DLGAP1: variants seen among roughly 807,000 people sequenced by gnomAD.
The protein encoded by DLGAP1 is disks large-associated protein 1.
A neutral mutation model predicts 90.8 loss-of-function variants in DLGAP1; 11 were observed. The ratio of observed to expected loss-of-function variants is 0.12; its 90% CI spans 0.08 to 0.20. The LOEUF (loss-of-function observed/expected upper bound fraction) is 0.20, where lower values mean the gene tolerates loss of function less well. Ranked by LOEUF, DLGAP1 falls within the 10% of genes least tolerant of loss-of-function variation. The pLI, the probability that DLGAP1 is intolerant of heterozygous loss-of-function variation, is 1.00. For missense variants in DLGAP1, 1,050 were observed against 1,333.8 expected, an observed-to-expected ratio of 0.79 and a Z score of 3.31; for synonymous variants, 558 against 540.7, an observed-to-expected ratio of 1.03 and a Z score of -0.44.
intron 1 of DLGAP1, among the ~76,000 whole-genome samples, chr18:4,285,862 A>G (rs1000266233): frequency 3.9e-5 from 6 of 152,178 alleles, no homozygotes; most frequent in Non-Finnish European, 7.3e-5. Context: ...TCTACCTGTT[A>G]ACCCAGGTTA....
intron 5 of DLGAP1, among the ~76,000 whole-genome samples, chr18:3,748,055 T>C (rs1193828513): frequency 1.3e-5 from 2 of 152,240 alleles, no homozygotes; most frequent in Admixed American, 1.3e-4. Context: ...TCATGTTACG[T>C]TAATTATTTC....
chr18:4,319,700 G>A (rs1354786910), intron 1 of DLGAP1, among the ~76,000 whole-genome samples: 1 of 152,172 alleles, frequency 6.6e-6, no homozygotes, highest in East Asian at 1.9e-4. Flanking sequence ...CAGTACTAAA[G>A]TGAGAATGAA....
chr18:4,208,883 T>C (rs971885148), intron 1 of DLGAP1, among the ~76,000 whole-genome samples: 1 of 152,032 alleles, frequency 6.6e-6, no homozygotes, highest in African/African-American at 2.4e-5. Context: ...TGCACTCAAA[T>C]GGAAGACAAA....
At chr18:4,054,856 A>C (rs2075189773) in intron 2 of DLGAP1, among the ~76,000 whole-genome samples, 1 of 152,244 alleles carries the variant, frequency 6.6e-6, no homozygotes, top group Non-Finnish European at 1.5e-5. Context: ...TGGCTTTAGA[A>C]AATGCATGCT....
intron 2 of DLGAP1, among the ~76,000 whole-genome samples, chr18:4,054,891 C>T (rs1400735170): frequency 6.6e-6 from 1 of 152,074 alleles, no homozygotes; most frequent in East Asian, 1.9e-4. Context: ...GAGAAAATTC[C>T]CTTTTTATAT....
At position 3,653,037 on chromosome 18, in the gene DLGAP1, C is replaced by T. The variant is rs62083220; in HGVS notation, c.1592-70789G>A. 0.022 allele frequency among the ~76,000 whole-genome samples: 3,349 copies of T among 152,314 alleles called. 64 individuals carry two copies. Among genetic ancestry groups the T allele is most frequent in the Non-Finnish European group, 0.028 (1,926 of 68,036 alleles). ...CTATAGAATATCAGAGTCATTCTGA[C>T]TCAGGGGTGACTCAGCTCTTCCATG... On this transcript the variant is annotated intron_variant, in intron 7 of 12. Coordinates refer to ENST00000315677, the MANE Select transcript of DLGAP1 (RefSeq NM_004746.4). The surrounding 1 kb of genome is among the most constrained non-coding windows in gnomAD (Gnocchi z 4.6).
rs1009529192 is a variant in DLGAP1 at position 4,454,873 on chromosome 18, G to C, written c.-267+133C>G. The C allele has an allele frequency of 1.3e-5, 2 of 151,498 alleles. No homozygotes were observed. Among genetic ancestry groups the C allele is most frequent in the Non-Finnish European group, 3.0e-5 (2 of 67,796 alleles). 9.4% of individuals were successfully genotyped at this position (151,498 alleles called of 1,614,324 possible). A position where few individuals can be genotyped will look rare whatever the true frequency, so the allele number is the denominator to read the frequency against. ...CGGACTCTCGAGCCAGCGGCCGGGG[G>C]AGCCCAGCCCGCAGCCCCTCCGCGG... On this transcript the variant is annotated intron_variant, in intron 1 of 12. Coordinates refer to ENST00000315677, the MANE Select transcript of DLGAP1 (RefSeq NM_004746.4). The surrounding 1 kb of genome is among the most constrained non-coding windows in gnomAD (Gnocchi z 4.7).
intron 3 of DLGAP1, among the ~76,000 whole-genome samples, chr18:3,974,264 C>T (rs2073522365): frequency 6.6e-6 from 1 of 151,914 alleles, no homozygotes; most frequent in Non-Finnish European, 1.5e-5. Flanking sequence ...TTAGTAGAGA[C>T]TGGGTTTCAC....
At chr18:4,288,986 C>T (rs1246653470) in intron 1 of DLGAP1, among the ~76,000 whole-genome samples, 1 of 152,108 alleles carries the variant, frequency 6.6e-6, no homozygotes, top group Non-Finnish European at 1.5e-5. Context: ...CATTGTAAAA[C>T]GTCTCCTGTC....
chr18:3,624,371 C>T lies in DLGAP1; in HGVS notation c.1592-42123G>A, dbSNP rs1015685619. Among the ~76,000 whole-genome samples the T allele has an allele frequency of 9.8e-5, 15 of 152,348 alleles. No homozygotes were observed. The East Asian group carries it at 2.5e-3, about 25-fold the overall frequency. On this transcript the variant is annotated intron_variant, in intron 7 of 12. Transcript: ENST00000315677. ...GTCGCCCTGGGCCGCTGTCCCCTGA[C>T]GGCAGATGAGATATTCTTCCAGCTC... is the stretch of plus-strand genomic sequence containing the variant.
At position 4,342,627 on chromosome 18, in the gene DLGAP1, T is replaced by C. The variant is rs2081216227; in HGVS notation, c.-267+112379A>G. Reference sequence around the variant, plus strand: ...GCTGAGATTACACAAAGAGGGAAATTAGCTCTATTGAAAATGTATTTGTTT... The same window carrying C: ...GCTGAGATTACACAAAGAGGGAAATCAGCTCTATTGAAAATGTATTTGTTT... On this transcript the variant is annotated intron_variant, in intron 1 of 12. Transcript: ENST00000315677. The surrounding 1 kb of genome is among the most constrained non-coding windows in gnomAD (Gnocchi z 5.8). 1.3e-5 allele frequency among the ~76,000 whole-genome samples: 2 copies of C among 152,182 alleles called. No individual in the cohort carries two copies. Among genetic ancestry groups the C allele is most frequent in the South Asian group, 4.1e-4 (2 of 4,832 alleles).
At chr18:3,628,573 A>T (rs1008417045) in intron 7 of DLGAP1, among the ~76,000 whole-genome samples, 1 of 152,136 alleles carries the variant, frequency 6.6e-6, no homozygotes, top group African/African-American at 2.4e-5. Context: ...TGCAGTTCAC[A>T]TTCCCCGTGC....
At chr18:3,741,211 C>T (rs1413355842) in intron 6 of DLGAP1, among the ~76,000 whole-genome samples, 3 of 129,556 alleles carry the variant, frequency 2.3e-5, no homozygotes, top group Admixed American at 1.5e-4. Flanking sequence ...ATCACCACCA[C>T]CACCACCACA....
intron 2 of DLGAP1, among the ~76,000 whole-genome samples, chr18:4,081,263 C>T (rs956602651): frequency 2.0e-5 from 3 of 149,582 alleles, no homozygotes; most frequent in Middle Eastern, 3.2e-3. Flanking sequence ...TGTGGTGAGC[C>T]GAGATTGTGC....
intron 5 of DLGAP1, chr18:3,774,113 G>C (rs2064827789): frequency 6.6e-6 from 1 of 152,132 alleles, no homozygotes; most frequent in South Asian, 2.1e-4. Flanking sequence ...TCTGGGTTTA[G>C]GCGGCATCCT....
At chr18:3,998,455 G>C (rs562818621) in intron 3 of DLGAP1, among the ~76,000 whole-genome samples, 18 of 151,158 alleles carry the variant, frequency 1.2e-4, no homozygotes, top group African/African-American at 4.4e-4. Context: ...TGATATTCCA[G>C]GTCCGTCTTG....
At chr18:4,339,327 G>A (rs2081139937) in intron 1 of DLGAP1, among the ~76,000 whole-genome samples, 1 of 152,134 alleles carries the variant, frequency 6.6e-6, no homozygotes, top group Non-Finnish European at 1.5e-5. Context: ...TGTGTGTTGG[G>A]AAGGCAGCCA....
chr18:4,140,432 C>G (rs1002287333), intron 2 of DLGAP1, among the ~76,000 whole-genome samples: 1 of 151,806 alleles, frequency 6.6e-6, no homozygotes, highest in Non-Finnish European at 1.5e-5. Context: ...TTAACTTTGT[C>G]CCCCCACTTT....
intron 11 of DLGAP1, among the ~76,000 whole-genome samples, chr18:3,504,084 G>A (rs570347014): frequency 1.8e-4 from 28 of 152,210 alleles, no homozygotes; most frequent in African/African-American, 5.5e-4. Context: ...TGACAAGAGC[G>A]ACATTCTGTC....
Sources: gnomAD v4.1 joint callset for allele counts (sites outside exome capture counted in the v4.1 genomes callset) on GRCh38, gnomAD v4.1.1 for gene constraint, Gnocchi (gnomAD v3.1) non-coding constraint, MANE v1.5 for transcripts, NCBI Gene and HGNC (gene_info 2026-07-23, HGNC 2026-07-21) for gene names.